The following C4orf17 variants were observed in gnomAD, a reference collection of about 807,000 sequenced individuals.
C4orf17 encodes the protein uncharacterized protein C4orf17.
C4orf17 carries 25 observed loss-of-function variants against 32.0 expected under a neutral mutation model. That is an observed-to-expected ratio of 0.78 (90% CI 0.57 to 1.09). C4orf17 has a LOEUF of 1.09. Ranked by LOEUF, C4orf17 falls within the 50% of genes least tolerant of loss-of-function variation. The pLI is 0.00. For missense variants in C4orf17, 420 were observed against 420.0 expected, an observed-to-expected ratio of 1.00 and a Z score of 0.00; for synonymous variants, 149 against 145.8, an observed-to-expected ratio of 1.02 and a Z score of -0.16.
chr4:99,540,137 C>G (rs922137323), intron 7 of C4orf17, among the ~76,000 whole-genome samples: 1 of 151,974 alleles, frequency 6.6e-6, no homozygotes, highest in Admixed American at 6.6e-5. Context: ...CTGTCCGTAT[C>G]TTAAAGTTTC....
At chr4:99,537,788 A>G (rs752752856) in intron 6 of C4orf17, 38 bp downstream of exon 6, 5 of 1,427,764 alleles carry the variant, frequency 3.5e-6, no homozygotes, top group Non-Finnish European at 4.9e-6. Context: ...ACTGAGCTCA[A>G]TTTATTGTCA....
intron 1 of C4orf17, 78 bp downstream of exon 1, chr4:99,511,350 C>CT (rs1171102110): frequency 1.3e-5 from 2 of 151,302 alleles, no homozygotes; most frequent in Non-Finnish European, 2.9e-5. Flanking sequence ...CAAGTTCATT[C>CT]TTTTTTCAAG....
At chr4:99,540,139 TAA>T (rs1156910743) in intron 7 of C4orf17, among the ~76,000 whole-genome samples, 1 of 152,130 alleles carries the variant, frequency 6.6e-6, no homozygotes, top group African/African-American at 2.4e-5. Flanking sequence ...GTCCGTATCT[TAA>T]AGTTTCCATA....
intron 3 of C4orf17, among the ~76,000 whole-genome samples, chr4:99,524,305 T>C (rs1448583656): frequency 1.3e-5 from 2 of 152,162 alleles, no homozygotes; most frequent in African/African-American, 4.8e-5. Flanking sequence ...TGTTTTTATA[T>C]CATCATCTTG....
intron 4 of C4orf17, among the ~76,000 whole-genome samples, chr4:99,527,268 A>G (rs957656461): frequency 3.3e-5 from 5 of 152,216 alleles, no homozygotes; most frequent in African/African-American, 1.2e-4. Flanking sequence ...CACACTTTGT[A>G]TACTTTGTAA....
At chr4:99,518,249 T>G (rs114909098) in intron 2 of C4orf17, among the ~76,000 whole-genome samples, 2,017 of 151,772 alleles carry the variant, frequency 0.013, 30 homozygotes, top group Non-Finnish European at 0.017. Flanking sequence ...AAGATCATAT[T>G]AAAATGTAAA....
At chr4:99,527,136 T>C (rs896161729) in intron 4 of C4orf17, among the ~76,000 whole-genome samples, 1 of 152,186 alleles carries the variant, frequency 6.6e-6, no homozygotes, top group African/African-American at 2.4e-5. Flanking sequence ...AATATCCTTT[T>C]TAATTTCTTC....
intron 2 of C4orf17, among the ~76,000 whole-genome samples, chr4:99,518,011 A>G (rs985299294): frequency 6.6e-6 from 1 of 150,616 alleles, no homozygotes; most frequent in Non-Finnish European, 1.5e-5. Flanking sequence ...TTCTTCTTTA[A>G]CTCCTCTCCC....
rs1044765342 is a variant in C4orf17 at position 99,512,680 on chromosome 4, A to AT, written c.-93-301dup. Reference sequence around the variant, plus strand: ...CTATATCAAAATTGATAATCATGTAATTTTTTTTGGTAAGTCAACAAAGTG... The same window carrying AT: ...CTATATCAAAATTGATAATCATGTAATTTTTTTTTGGTAAGTCAACAAAGTG... On this transcript the variant is annotated intron_variant, in intron 1 of 8. Coordinates refer to ENST00000326581, the MANE Select transcript of C4orf17 (RefSeq NM_032149.3). Among the ~76,000 whole-genome samples the AT allele has an allele frequency of 2.7e-3, 407 of 152,088 alleles. 2 individuals are homozygous for AT. Among genetic ancestry groups the AT allele is most frequent in the African/African-American group, 9.1e-3 (378 of 41,520 alleles).
At chr4:99,533,049 G>T (rs933762129) in intron 5 of C4orf17, among the ~76,000 whole-genome samples, 2 of 152,312 alleles carry the variant, frequency 1.3e-5, no homozygotes, top group Non-Finnish European at 2.9e-5. Context: ...CATGGAGAAA[G>T]TGGCAAGAGA....
chr4:99,518,578 G>C lies in C4orf17; in HGVS notation c.128-3922G>C, dbSNP rs1173112476. Among the ~76,000 whole-genome samples the C allele has an allele frequency of 1.6e-3, 200 of 123,296 alleles. 3 individuals carry two copies. The highest frequency in any genetic ancestry group is 7.4e-3 in the African/African-American group (193 of 26,166). The allele number at this position is 123,296 out of a possible 152,430, so 80.9% of individuals were successfully genotyped here. Reference sequence around the variant, plus strand: ...AGAGAGAGAGAGAGAGAGAGAGAGAGAGAGAGGGAGGGAGACAGAGAGAGA... The same window carrying C: ...AGAGAGAGAGAGAGAGAGAGAGAGACAGAGAGGGAGGGAGACAGAGAGAGA... On this transcript the variant is annotated intron_variant, in intron 2 of 8. Transcript: ENST00000326581.
intron 4 of C4orf17, among the ~76,000 whole-genome samples, chr4:99,527,952 T>C (rs1231160812): frequency 6.6e-6 from 1 of 152,240 alleles, no homozygotes; most frequent in Admixed American, 6.5e-5. Flanking sequence ...ATTATGAAGT[T>C]ACTCTCTTCA....
At chr4:99,535,230 C>T (rs1421451497) in intron 5 of C4orf17, among the ~76,000 whole-genome samples, 45 of 152,218 alleles carry the variant, frequency 3.0e-4, no homozygotes, top group Non-Finnish European at 1.6e-4. Flanking sequence ...TGGATCTTCT[C>T]ATGGAGTATC....
At chr4:99,523,121 T>G (rs1180272240) in intron 3 of C4orf17, among the ~76,000 whole-genome samples, 1 of 152,138 alleles carries the variant, frequency 6.6e-6, no homozygotes, top group Non-Finnish European at 1.5e-5. Context: ...TCAGGCCCTG[T>G]GTTACTGCTT....
At chr4:99,537,789 T>C in intron 6 of C4orf17, 39 bp downstream of exon 6, 1 of 1,425,312 alleles carries the variant, frequency 7.0e-7, no homozygotes, top group Non-Finnish European at 9.9e-7. Flanking sequence ...CTGAGCTCAA[T>C]TTATTGTCAG....
chr4:99,540,772 G>A (rs1471888539), intron 8 of C4orf17: 1 of 196,198 alleles, frequency 5.1e-6, no homozygotes, highest in East Asian at 1.2e-4. Context: ...AAAGGACAAT[G>A]ATCTCAGAGT....
intron 5 of C4orf17, among the ~76,000 whole-genome samples, chr4:99,531,479 C>G (rs75596501): frequency 6.6e-6 from 1 of 152,244 alleles, no homozygotes; most frequent in South Asian, 2.1e-4. Flanking sequence ...AATAGAACAG[C>G]GTGATCCTAT....
chr4:99,538,776 T>C (rs561085015), intron 6 of C4orf17, among the ~76,000 whole-genome samples: 1 of 152,180 alleles, frequency 6.6e-6, no homozygotes, highest in African/African-American at 2.4e-5. Flanking sequence ...TCTTCCTAGA[T>C]ATGCTTGTAA....
chr4:99,522,704 A>C lies in C4orf17; in HGVS notation c.332A>C (p.His111Pro), dbSNP rs1296314024. 1.2e-6 allele frequency: 2 copies of C among 1,612,660 alleles called. No homozygotes were observed. Among genetic ancestry groups the C allele is most frequent in the Admixed American group, 1.7e-5 (1 of 59,984 alleles). The stretch of plus-strand genomic sequence containing the variant: ...GGTGCCAAAGTGCCTCCACGGCCTC[A>C]TTCTGGTGAGTTGAGTTAGAACTGA... ...PNGAKVPPRP[H>P]SEPSRKIKEC... is the part of the protein sequence containing the mutation. The change falls in exon 3 of 9, where the codon CAT becomes CCT. Residue 111 changes from histidine (H) to proline (P), a missense_variant. His to Pro is a moderately conservative substitution (Grantham distance 77). Transcript: ENST00000326581.
Sources: allele counts gnomAD v4.1 joint callset (sites outside exome capture counted in the v4.1 genomes callset), GRCh38; gene constraint gnomAD v4.1.1; transcripts MANE v1.5; gene names NCBI Gene and HGNC (gene_info 2026-07-23, HGNC 2026-07-21).